The following UVSSA variants were observed in gnomAD, a reference collection of about 807,000 sequenced individuals.
UVSSA encodes UV stimulated scaffold protein A.
A neutral mutation model predicts 73.9 loss-of-function variants in UVSSA; 72 were observed. The observed-to-expected ratio is 0.97, with a 90% CI of 0.81 to 1.19. The LOEUF (loss-of-function observed/expected upper bound fraction) is 1.19, where lower values mean the gene tolerates loss of function less well. UVSSA is among the 50% of genes most tolerant of loss of function. UVSSA has a pLI of 0.00. For missense variants in UVSSA, 1,150 were observed against 965.0 expected (o/e 1.19, Z -2.54); for synonymous variants, 454 against 391.3 (o/e 1.16, Z -1.89).
At chr4:1,344,637 G>A (rs2109031234), upstream of UVSSA, among the ~76,000 whole-genome samples, 1 of 152,302 alleles carries the variant, frequency 6.6e-6, no homozygotes, top group East Asian at 1.9e-4. Context: ...CAAATATTGA[G>A]CACCTGCTTT....
At chr4:1,366,202 G>A (rs1008036326) in intron 7 of UVSSA, 118 bp from the exon 8 acceptor site, 3 of 779,134 alleles carry the variant, frequency 3.9e-6, no homozygotes, top group African/African-American at 1.7e-5. Flanking sequence ...TGATGTTGGA[G>A]CCCTAAGCAG....
intron 10 of UVSSA, 42 bp downstream of exon 10, chr4:1,376,210 A>G (rs1367909229): frequency 3.2e-6 from 5 of 1,576,284 alleles, no homozygotes; most frequent in Non-Finnish European, 4.3e-6. Flanking sequence ...GCACACAACC[A>G]GGGTCCCAGC....
Position 1,382,412 on chromosome 4 carries a change from A to G in UVSSA, c.1862-1354A>G, listed in dbSNP as rs570725442. Among the ~76,000 whole-genome samples, 19 of 152,258 alleles carry G rather than the reference A, an allele frequency of 1.2e-4. No individual in the cohort carries two copies. In the East Asian group the frequency reaches 2.1e-3, roughly 17 times the overall value. Reference sequence around the variant, plus strand: ...CCCCGCCTCCCTCGCGCACGGCGCAATTTTCCTTTCCCTGGTGCTAACCTC... The same window carrying G: ...CCCCGCCTCCCTCGCGCACGGCGCAGTTTTCCTTTCCCTGGTGCTAACCTC... On this transcript the variant is annotated intron_variant, in intron 12 of 13. Transcript: ENST00000389851.
chr4:1,377,133 G>A (rs1031291482), intron 10 of UVSSA, among the ~76,000 whole-genome samples: 1 of 152,168 alleles, frequency 6.6e-6, no homozygotes, highest in Non-Finnish European at 1.5e-5. Flanking sequence ...CCTCCAGAGA[G>A]CGGGGGGGCA....
intron 2 of UVSSA, 123 bp downstream of exon 2, chr4:1,348,312 C>T (rs947072322): frequency 1.3e-6 from 1 of 749,114 alleles, no homozygotes; most frequent in African/African-American, 1.8e-5. Context: ...AGGACATTTT[C>T]TCGGGGCCCT....
chr4:1,383,619 C>T (rs758002793), intron 12 of UVSSA, 147 bp from the exon 13 acceptor site: 1 of 888,662 alleles, frequency 1.1e-6, no homozygotes, highest in Non-Finnish European at 1.7e-6. Flanking sequence ...AGCATCCTCT[C>T]AGGCTTGCTG....
In UVSSA at chr4:1,356,076, T is replaced by C. The variant is rs187866872; in HGVS notation, c.1176+831T>C. 6.5e-3 allele frequency among the ~76,000 whole-genome samples: 994 copies of C among 152,146 alleles called. 13 individuals are homozygous for C. Among genetic ancestry groups the C allele is most frequent in the African/African-American group, 0.023 (949 of 41,490 alleles). On this transcript the variant is annotated intron_variant, in intron 7 of 13. Coordinates refer to ENST00000389851, the MANE Select transcript of UVSSA (RefSeq NM_020894.4). Reference sequence around the variant, plus strand: ...ACCCTGAGCTCCCACAGCAGTGCTGTCTCTCAGGCACCTCTCCCTTCAGGA... The same window carrying C: ...ACCCTGAGCTCCCACAGCAGTGCTGCCTCTCAGGCACCTCTCCCTTCAGGA...
intron 2 of UVSSA, 71 bp downstream of exon 2, chr4:1,348,260 T>G: frequency 8.3e-7 from 1 of 1,207,226 alleles, no homozygotes; most frequent in Non-Finnish European, 1.2e-6. Flanking sequence ...GGCCCTGCCC[T>G]CCTGCCCCCA....
At position 1,376,160 on chromosome 4, in the gene UVSSA, G is replaced by C. The variant is rs776820527; in HGVS notation, c.1560G>C (p.Lys520Asn). The C allele has an allele frequency of 6.2e-7, 1 of 1,610,156 alleles. No homozygotes were observed. The highest frequency in any genetic ancestry group is 8.5e-7 in the Non-Finnish European group (1 of 1,178,460). Reference protein sequence around the residue: ...YWGQELPTAGKIVKSDSQHRF... With the variant: ...YWGQELPTAGNIVKSDSQHRF... ...GCCAGGAGCTCCCCACAGCCGGGAA[G>C]ATTGTCAAGTGAGTCCCCATGTGTC... The change falls in exon 10 of 14, where the codon AAG (lysine) becomes AAC (asparagine). Residue 520 changes from lysine (K) to asparagine (N), a missense_variant. Lys to Asn is a moderately conservative substitution (Grantham distance 94). Coordinates refer to ENST00000389851, the MANE Select transcript of UVSSA (RefSeq NM_020894.4).
At chr4:1,344,678 T>G (rs77395201), upstream of UVSSA, among the ~76,000 whole-genome samples, 1 of 152,218 alleles carries the variant, frequency 6.6e-6, no homozygotes, top group African/African-American at 2.4e-5. Flanking sequence ...AAGATCCCTA[T>G]TTTCAGGGAC....
chr4:1,383,519 C>T (rs75845145), intron 12 of UVSSA, among the ~76,000 whole-genome samples: 15 of 152,210 alleles, frequency 9.9e-5, no homozygotes, highest in Middle Eastern at 3.4e-3. Flanking sequence ...GGGTGTGGGG[C>T]GGTGGGGGCA....
intron 8 of UVSSA, 68 bp downstream of exon 8, chr4:1,366,499 G>A: frequency 2.4e-6 from 3 of 1,241,376 alleles, no homozygotes; most frequent in Non-Finnish European, 3.4e-6. Context: ...TGGCCCCTTG[G>A]GGTCATGACC....
rs77363062 is a variant in UVSSA, at chr4:1,395,380, G to A, written c.*9419G>A. On this transcript the variant is annotated 3_prime_UTR_variant, in exon 14 of 14. Transcript: ENST00000511216. ...TCACATGTGCCGATGTGGAGTGCCC[G>A]CCTGCTCACACGTGCCCATGTGGAG... is the stretch of plus-strand genomic sequence containing the variant. 3.2e-4 allele frequency: 503 copies of A among 1,553,996 alleles called. 14 individuals are homozygous for A. In the African/African-American group the frequency reaches 5.4e-3, roughly 17 times the overall value.
intron 8 of UVSSA, among the ~76,000 whole-genome samples, chr4:1,373,545 T>G (rs73793389): frequency 0.018 from 2,702 of 152,322 alleles, 85 homozygotes; most frequent in African/African-American, 0.06. Flanking sequence ...CTCAGTGCTC[T>G]GTGTTAACCG....
At chr4:1,367,547 C>G (rs1271780317) in intron 8 of UVSSA, among the ~76,000 whole-genome samples, 3 of 152,184 alleles carry the variant, frequency 2.0e-5, no homozygotes, top group Non-Finnish European at 1.5e-5. Flanking sequence ...CTGGGGCCTG[C>G]TGTCTTCTGC....
chr4:1,349,463 G>T, intron 2 of UVSSA, 61 bp from the exon 3 acceptor site: 1 of 1,537,784 alleles, frequency 6.5e-7, no homozygotes, highest in Non-Finnish European at 8.9e-7. Context: ...TGCACGGAGA[G>T]TCTCCCCCCG....
At position 1,386,156 on chromosome 4, in the gene UVSSA, G is replaced by C. The variant is rs1314985403; in HGVS notation, c.*195G>C. Reference sequence around the variant, plus strand: ...AGGGTTCGGCATCGTCTGGTGATGGGTCTGGCCTCGCAGAAGAGGCCCTCG... The same window carrying C: ...AGGGTTCGGCATCGTCTGGTGATGGCTCTGGCCTCGCAGAAGAGGCCCTCG... On this transcript the variant is annotated 3_prime_UTR_variant, in exon 14 of 14. Coordinates refer to ENST00000389851, the MANE Select transcript of UVSSA (RefSeq NM_020894.4). The C allele has an allele frequency of 1.6e-6, 1 of 610,898 alleles. No homozygotes were observed. The highest frequency in any genetic ancestry group is 2.9e-6 in the Non-Finnish European group (1 of 350,770). The allele number at this position is 610,898 out of a possible 1,614,324, so 37.8% of individuals were successfully genotyped here. A position where few individuals can be genotyped will look rare whatever the true frequency, so the allele number is the denominator to read the frequency against.
At chr4:1,355,317 T>G in intron 7 of UVSSA, 72 bp downstream of exon 7, 1 of 1,412,320 alleles carries the variant, frequency 7.1e-7, no homozygotes, top group Non-Finnish European at 9.7e-7. Context: ...GTGGGGGGGT[T>G]GTGCCCTGGG....
rs1321760126 is a variant in UVSSA, at chr4:1,347,262, G to C, written c.-501G>C. ...GGGCTGTGGTTACGCTGCCGGGCGG[G>C]GGTCGCGCCGGTTCGGTCCCCGGGG... On this transcript the variant is annotated 5_prime_UTR_variant, in exon 1 of 14. Transcript: ENST00000389851. The C allele has an allele frequency of 6.6e-6, 1 of 151,254 alleles. No homozygotes were observed. The highest frequency in any genetic ancestry group is 1.5e-5 in the Non-Finnish European group (1 of 67,560). The allele number at this position is 151,254 out of a possible 1,614,324, so 9.4% of individuals were successfully genotyped here.
Sources: allele counts gnomAD v4.1 joint callset (sites outside exome capture counted in the v4.1 genomes callset), GRCh38; gene constraint gnomAD v4.1.1; transcripts MANE v1.5; gene names NCBI Gene and HGNC (gene_info 2026-07-23, HGNC 2026-07-21).